The following BNC2 variants were observed in gnomAD, a reference collection of about 807,000 sequenced individuals.
BNC2 encodes zinc finger protein basonuclin-2.
BNC2 carries 20 observed loss-of-function variants against 76.3 expected under a neutral mutation model. The observed-to-expected ratio is 0.26, with a 90% CI of 0.18 to 0.38. The LOEUF is 0.38. BNC2 is among the 10% of genes least tolerant of loss of function. The pLI, the probability that BNC2 is intolerant of heterozygous loss-of-function variation, is 1.00. For missense variants in BNC2, 1,382 were observed against 1,399.8 expected (o/e 0.99, Z 0.20); for synonymous variants, 582 against 514.8 (o/e 1.13, Z -1.77).
rs1200817555 is a variant in BNC2, at chr9:16,448,272, G to C, written c.670-10748C>G. Among the ~76,000 whole-genome samples, 5 of 152,254 alleles carry C rather than the reference G, an allele frequency of 3.3e-5. No individual in the cohort carries two copies. In the East Asian group the frequency reaches 7.7e-4, roughly 24 times the overall value. ...TTTACATTTCTAAACATAAATGCCA[G>C]AGTCCCTGGGATTTCCAGATATGCT... On this transcript the variant is annotated intron_variant, in intron 5 of 6. Transcript: ENST00000380672.
At chr9:16,725,892 G>C (rs1460969718) in intron 3 of BNC2, among the ~76,000 whole-genome samples, 1 of 151,936 alleles carries the variant, frequency 6.6e-6, no homozygotes, top group African/African-American at 2.4e-5. Context: ...CATCTATGTG[G>C]TTCAATAGCC....
intron 4 of BNC2, among the ~76,000 whole-genome samples, chr9:16,556,964 C>G (rs1818853261): frequency 6.6e-6 from 1 of 151,980 alleles, no homozygotes; most frequent in Admixed American, 6.6e-5. Flanking sequence ...TTTTAAGTGT[C>G]ATAAAATCTG....
At chr9:16,501,039 T>C (rs7041001) in intron 5 of BNC2, among the ~76,000 whole-genome samples, 5,725 of 152,244 alleles carry the variant, frequency 0.038, 368 homozygotes, top group African/African-American at 0.13. Context: ...CTTATAACTA[T>C]ATGATATTGA....
rs143034980 is a variant in BNC2, at chr9:16,845,681, T to A, written c.3+24965A>T. 4.6e-4 allele frequency among the ~76,000 whole-genome samples: 69 copies of A among 150,428 alleles called. 1 individual carries two copies. The highest frequency in any genetic ancestry group is 1.6e-3 in the Admixed American group (24 of 15,152). On this transcript the variant is annotated intron_variant, in intron 1 of 6. Coordinates refer to ENST00000380672, the MANE Select transcript of BNC2 (RefSeq NM_017637.6). ...GCTTGCAGTGAGCCGAGATCGCACC[T>A]CTGCACTCCAGCCTGGGCGACAAAG... is the stretch of plus-strand genomic sequence containing the variant.
At chr9:16,641,715 T>C (rs1026977353) in intron 3 of BNC2, among the ~76,000 whole-genome samples, 1 of 152,162 alleles carries the variant, frequency 6.6e-6, no homozygotes, top group African/African-American at 2.4e-5. Context: ...TACATTTCAA[T>C]GGGGGCATAT....
chr9:16,457,201 G>A (rs1191349809), intron 5 of BNC2, among the ~76,000 whole-genome samples: 1 of 152,188 alleles, frequency 6.6e-6, no homozygotes, highest in East Asian at 1.9e-4. Flanking sequence ...TCCTTAGGAA[G>A]AAGATCATAT....
intron 1 of BNC2, among the ~76,000 whole-genome samples, chr9:16,770,410 T>G (rs142183943): frequency 6.6e-4 from 100 of 152,262 alleles, no homozygotes; most frequent in African/African-American, 2.4e-3. Context: ...AGAAGGTAAA[T>G]TACTGACATC....
In BNC2 at chr9:16,413,488, G is replaced by A. The variant is rs370093476; in HGVS notation, c.*5501C>T. ...ACAAATGCCAAAAAGACAGTATGCC[G>A]AATAACATAGTTATTGCCGAATGAG... On this transcript the variant is annotated 3_prime_UTR_variant, in exon 7 of 7. Transcript: ENST00000380672. 15 of 151,924 alleles carry A rather than the reference G, an allele frequency of 9.9e-5. No individual in the cohort carries two copies. Among genetic ancestry groups the A allele is most frequent in the Non-Finnish European group, 1.8e-4 (12 of 68,002 alleles). 9.4% of individuals were successfully genotyped at this position (151,924 alleles called of 1,614,324 possible). A position where few individuals can be genotyped will look rare whatever the true frequency, so the allele number is the denominator to read the frequency against.
intron 3 of BNC2, among the ~76,000 whole-genome samples, chr9:16,662,606 C>A (rs1202102466): frequency 6.6e-6 from 1 of 152,126 alleles, no homozygotes; most frequent in Admixed American, 6.5e-5. Flanking sequence ...CATGGTGGTG[C>A]ATGCCTGTAG....
intron 3 of BNC2, among the ~76,000 whole-genome samples, chr9:16,657,556 A>G (rs1259747646): frequency 6.6e-6 from 1 of 152,170 alleles, no homozygotes; most frequent in Admixed American, 6.5e-5. Flanking sequence ...TCTGAATGGA[A>G]GTTGAGAGAA....
At chr9:16,721,847 A>C (rs1046649954) in intron 3 of BNC2, among the ~76,000 whole-genome samples, 1 of 152,186 alleles carries the variant, frequency 6.6e-6, no homozygotes, top group African/African-American at 2.4e-5. Context: ...ATCGATTCAA[A>C]CACTAAGGTT....
In BNC2 at chr9:16,837,304, G is replaced by A. The variant is rs192937885; in HGVS notation, c.3+33342C>T. ...GTGGATCACCAGGTCAGGCATTCGA[G>A]ACCAGCCTGGCCAACATAGTGAAAT... On this transcript the variant is annotated intron_variant, in intron 1 of 6. Transcript: ENST00000380672. Among the ~76,000 whole-genome samples the A allele has an allele frequency of 1.7e-3, 252 of 152,232 alleles. 1 individual carries two copies. Among genetic ancestry groups the A allele is most frequent in the African/African-American group, 5.8e-3 (241 of 41,554 alleles).
intron 1 of BNC2, among the ~76,000 whole-genome samples, chr9:16,760,028 C>G (rs1370225377): frequency 6.6e-6 from 1 of 152,114 alleles, no homozygotes. Flanking sequence ...GGGCCAGAGA[C>G]AGAAACTCTT....
At chr9:16,565,129 G>A (rs1208960051) in intron 4 of BNC2, among the ~76,000 whole-genome samples, 2 of 151,938 alleles carry the variant, frequency 1.3e-5, no homozygotes, top group African/African-American at 4.8e-5. Flanking sequence ...TGTTCTCACT[G>A]GCCTATTATA....
At chr9:16,860,226 A>T (rs1819363936) in intron 1 of BNC2, among the ~76,000 whole-genome samples, 1 of 152,246 alleles carries the variant, frequency 6.6e-6, no homozygotes, top group Non-Finnish European at 1.5e-5. Context: ...TGGCTAAAAC[A>T]ATCTTGAAAA....
intron 3 of BNC2, among the ~76,000 whole-genome samples, chr9:16,722,284 C>G (rs1824179750): frequency 6.6e-6 from 1 of 152,188 alleles, no homozygotes; most frequent in Admixed American, 6.5e-5. Context: ...CTCAGAGATG[C>G]CTTACTCAGC....
chr9:16,591,983 C>A (rs1168873255), intron 3 of BNC2, among the ~76,000 whole-genome samples: 1 of 152,038 alleles, frequency 6.6e-6, no homozygotes, highest in Non-Finnish European at 1.5e-5. Flanking sequence ...GATCTTATAA[C>A]TGAGACAGGA....
chr9:16,739,511 A>G (rs1400028335), intron 1 of BNC2, among the ~76,000 whole-genome samples: 2 of 152,248 alleles, frequency 1.3e-5, no homozygotes, highest in Admixed American at 1.3e-4. Context: ...TCTACTAAAA[A>G]TACAAAAGAA....
At chr9:16,691,196 A>C (rs1324280957) in intron 3 of BNC2, among the ~76,000 whole-genome samples, 1 of 152,194 alleles carries the variant, frequency 6.6e-6, no homozygotes, top group Non-Finnish European at 1.5e-5. Context: ...AGGGCTTTAC[A>C]CGTAATATTT....
Sources: gnomAD v4.1 joint callset for allele counts (sites outside exome capture counted in the v4.1 genomes callset) on GRCh38, gnomAD v4.1.1 for gene constraint, MANE v1.5 for transcripts, NCBI Gene and HGNC (gene_info 2026-07-23, HGNC 2026-07-21) for gene names.